The following NASP variants were observed in gnomAD, a reference collection of about 807,000 sequenced individuals.
The protein encoded by NASP is NASP histone chaperone.
NASP carries 24 observed loss-of-function variants against 89.5 expected under a neutral mutation model. The ratio of observed to expected loss-of-function variants is 0.27; its 90% CI spans 0.19 to 0.38. NASP has a LOEUF of 0.38. Among genes scored for constraint, NASP ranks in the 10% least tolerant of loss-of-function variants. NASP has a pLI of 1.00. For synonymous variants in NASP, 306 were observed against 324.7 expected (o/e 0.94, Z 0.62); for missense variants, 848 against 921.4 (o/e 0.92, Z 1.03).
intron 3 of NASP, 28 bp from the exon 4 acceptor site, chr1:45,604,908 A>T (rs753502519): frequency 6.7e-7 from 1 of 1,496,714 alleles, no homozygotes; most frequent in Admixed American, 1.8e-5. Context: ...ATGGTAATTC[A>T]GATTTTAGAT....
intron 2 of NASP, among the ~76,000 whole-genome samples, chr1:45,591,975 C>T (rs1162137603): frequency 6.6e-6 from 1 of 152,152 alleles, no homozygotes. Flanking sequence ...CATGCACCAC[C>T]ACATCTGGCT....
At chr1:45,585,551 T>A (rs1318783805) in intron 1 of NASP, among the ~76,000 whole-genome samples, 1 of 152,210 alleles carries the variant, frequency 6.6e-6, no homozygotes, top group Non-Finnish European at 1.5e-5. Flanking sequence ...TGATTCGATA[T>A]AAGCAGTATA....
chr1:45,596,641 C>A (rs1224602464), intron 2 of NASP, among the ~76,000 whole-genome samples: 1 of 152,056 alleles, frequency 6.6e-6, no homozygotes, highest in East Asian at 1.9e-4. Context: ...TTTAATGTAC[C>A]AGTATGAGAA....
intron 7 of NASP, among the ~76,000 whole-genome samples, chr1:45,613,532 AG>A (rs2148370336): frequency 6.6e-6 from 1 of 152,166 alleles, no homozygotes; most frequent in South Asian, 2.1e-4. Context: ...CCCAGGCCGG[AG>A]TGCACTGGCA....
intron 2 of NASP, among the ~76,000 whole-genome samples, chr1:45,600,091 T>C (rs557205304): frequency 1.3e-5 from 2 of 152,126 alleles, no homozygotes; most frequent in Admixed American, 1.3e-4. Flanking sequence ...TACCCAAGTA[T>C]TGTTGATTGA....
At position 45,607,106 on chromosome 1, in the gene NASP, T is replaced by C. The variant is rs557021289; in HGVS notation, c.410-215T>C. Among the ~76,000 whole-genome samples, 15 of 152,306 alleles carry C rather than the reference T, an allele frequency of 9.8e-5. No homozygotes were observed. In the East Asian group the frequency reaches 2.9e-3, roughly 29 times the overall value. On this transcript the variant is annotated intron_variant, in intron 5 of 14. Transcript: ENST00000350030. ...CAGAATGCTCAAGTAAAACAATACC[T>C]AGTGTAACAAGCTTGGGTTTCTTTT...
intron 1 of NASP, among the ~76,000 whole-genome samples, chr1:45,586,154 T>G (rs1479173136): frequency 7.2e-6 from 1 of 139,078 alleles, no homozygotes; most frequent in African/African-American, 2.7e-5. Flanking sequence ...ATGTGCTGGG[T>G]GTGTGGGGGT....
chr1:45,616,297 T>TTCTA, intron 11 of NASP, 40 bp from the exon 12 acceptor site: 3 of 1,599,258 alleles, frequency 1.9e-6, no homozygotes, highest in Non-Finnish European at 2.6e-6. Flanking sequence ...GCGGCCTGGG[T>TTCTA]TCTATCTTCA....
At chr1:45,586,288 T>TGTGTGTGTGTGTG (rs1644544912) in intron 1 of NASP, among the ~76,000 whole-genome samples, 5 of 95,780 alleles carry the variant, frequency 5.2e-5, no homozygotes, top group African/African-American at 2.0e-4. Flanking sequence ...GTGTGTGGTG[T>TGTGTGTGTGTGTG]GTGTGTGTGT....
In NASP at chr1:45,595,129, T is replaced by TTGTGTGTG. The variant is rs57391869; in HGVS notation, c.107+3911_107+3918dup. On this transcript the variant is annotated intron_variant, in intron 2 of 14. Coordinates refer to ENST00000350030, the MANE Select transcript of NASP (RefSeq NM_002482.4). ...CTGCCTCAGCCTGCCAGACTAAGTT[T>TTGTGTGTG]TGTGTGTGTGTGTGTGTGTGTGTGT... 7.7e-3 allele frequency among the ~76,000 whole-genome samples: 857 copies of TTGTGTGTG among 111,838 alleles called. 8 individuals are homozygous for TTGTGTGTG. The highest frequency in any genetic ancestry group is 0.014 in the African/African-American group (415 of 28,866). The allele number at this position is 111,838 out of a possible 152,430, so 73.4% of individuals were successfully genotyped here. A position where few individuals can be genotyped will look rare whatever the true frequency, so the allele number is the denominator to read the frequency against.
rs1485794709 is a variant in NASP at position 45,617,514 on chromosome 1, CAA to C, written c.2210_2211del (p.Gln737ArgfsTer17). On this transcript the variant is annotated frameshift_variant, in exon 14 of 15. Transcript: ENST00000350030. LOFTEE classifies it high-confidence loss of function. The stretch of plus-strand genomic sequence containing the variant: ...GAAAGATGATGCAAAGAAAGCCAAA[CAA>C]GAGCCGGAGGTGAACGGAGGCAGTG... ...PRKDDAKKAKQEPEVNGGSGD... is the reference protein window; with the variant it reads ...PRKDDAKKAKXEPEVNGGSGD... 1.2e-6 allele frequency: 2 copies of C among 1,613,434 alleles called. No homozygotes were observed. The highest frequency in any genetic ancestry group is 1.7e-5 in the Admixed American group (1 of 59,888).
chr1:45,597,686 A>G (rs1643732866), intron 2 of NASP, among the ~76,000 whole-genome samples: 1 of 152,200 alleles, frequency 6.6e-6, no homozygotes, highest in Non-Finnish European at 1.5e-5. Context: ...TTGGATACAC[A>G]GAGGCTTTTT....
intron 6 of NASP, chr1:45,610,257 C>T (rs982113450): frequency 1.7e-4 from 26 of 152,098 alleles, no homozygotes; most frequent in Non-Finnish European, 1.3e-4. Flanking sequence ...TTAAAAGCCC[C>T]AGGCTTTTCA....
intron 6 of NASP, chr1:45,612,958 A>G (rs2050376): frequency 0.66 from 327,699 of 495,514 alleles, 109,294 homozygotes; most frequent in African/African-American, 0.75. Context: ...TGAAGGTCTG[A>G]CCCATAGACT....
At chr1:45,616,467 T>C in intron 12 of NASP, 74 bp downstream of exon 12, 2 of 1,550,150 alleles carry the variant, frequency 1.3e-6, no homozygotes, top group East Asian at 2.2e-5. Context: ...TCCCAGCATT[T>C]TGGGAGGCCA....
chr1:45,613,717 G>A (rs1644055894), intron 7 of NASP, among the ~76,000 whole-genome samples: 1 of 152,114 alleles, frequency 6.6e-6, no homozygotes. Flanking sequence ...CTCAAACCTG[G>A]CTTCAAGTTA....
intron 6 of NASP, chr1:45,610,325 A>T (rs139287517): frequency 2.6e-5 from 4 of 152,340 alleles, no homozygotes; most frequent in African/African-American, 7.2e-5. Context: ...AAGACAATAC[A>T]GTTTTCCATA....
Position 45,602,246 on chromosome 1 carries a change from T to C in NASP, c.108-9T>C. On this transcript the variant is annotated splice_polypyrimidine_tract_variant and intron_variant, in intron 2 of 14. Transcript: ENST00000350030. ...GTACTTGACACTAGAAAAAATCTTT[T>C]TTTTGCAGTCTGGATGTGGATAGTG... The C allele has an allele frequency of 6.2e-7, 1 of 1,607,816 alleles. No individual in the cohort carries two copies. The highest frequency in any genetic ancestry group is 8.5e-7 in the Non-Finnish European group (1 of 1,177,878).
chr1:45,588,173 G>A (rs1644585057), intron 1 of NASP, among the ~76,000 whole-genome samples: 3 of 152,086 alleles, frequency 2.0e-5, no homozygotes. Context: ...GTGCGATCTA[G>A]GCTCACCGCA....
Sources: gnomAD v4.1 joint callset for allele counts (sites outside exome capture counted in the v4.1 genomes callset) on GRCh38, gnomAD v4.1.1 for gene constraint, MANE v1.5 for transcripts, NCBI Gene and HGNC (gene_info 2026-07-23, HGNC 2026-07-21) for gene names.